UACA: variants seen among roughly 807,000 people sequenced by gnomAD.
UACA encodes uveal autoantigen with coiled-coil domains and ankyrin repeats, also known as nuclear membrane binding protein.
In UACA, 112 loss-of-function variants were observed where a neutral mutation model predicts 160.5. That is an observed-to-expected ratio of 0.70 (90% CI 0.60 to 0.82). UACA has a LOEUF of 0.82. UACA is among the 40% of genes least tolerant of loss of function. The pLI is 0.00. For synonymous variants in UACA, 557 were observed against 568.4 expected (o/e 0.98, Z 0.29); for missense variants, 1,574 against 1,614.6 (o/e 0.97, Z 0.43).
At chr15:70,750,919 T>G (rs2030013105) in intron 1 of UACA, among the ~76,000 whole-genome samples, 1 of 152,212 alleles carries the variant, frequency 6.6e-6, no homozygotes, top group Non-Finnish European at 1.5e-5. Context: ...CAGAATTTTC[T>G]TCTAGAGTGA....
At chr15:70,663,327 T>C (rs1053080481) in intron 17 of UACA, among the ~76,000 whole-genome samples, 1 of 152,162 alleles carries the variant, frequency 6.6e-6, no homozygotes, top group Admixed American at 6.5e-5. Context: ...TCACACCAGT[T>C]AGAATGGCAA....
chr15:70,752,534 C>G (rs991177059), intron 1 of UACA, among the ~76,000 whole-genome samples: 4 of 151,940 alleles, frequency 2.6e-5, no homozygotes, highest in Admixed American at 6.6e-5. Context: ...TCCCCTCCCC[C>G]CCACCACTTA....
intron 13 of UACA, among the ~76,000 whole-genome samples, chr15:70,675,524 C>A (rs1346674318): frequency 2.0e-5 from 3 of 152,210 alleles, no homozygotes; most frequent in African/African-American, 4.8e-5. Flanking sequence ...ACACCTTACT[C>A]AGTAACCCCT....
At chr15:70,684,038 C>T (rs1052126000) in intron 8 of UACA, among the ~76,000 whole-genome samples, 2 of 151,786 alleles carry the variant, frequency 1.3e-5, no homozygotes, top group Non-Finnish European at 2.9e-5. Context: ...ATTCCAGTGT[C>T]TTAGTGTTCA....
chr15:70,762,233 GGT>G (rs1444644967), intron 1 of UACA, among the ~76,000 whole-genome samples: 1 of 58,254 alleles, frequency 1.7e-5, no homozygotes, highest in Non-Finnish European at 3.2e-5. Context: ...CCTCGATATA[GGT>G]GGAGAGAAAG....
chr15:70,691,513 A>G (rs1897934978), intron 3 of UACA, 150 bp from the exon 4 acceptor site: 2 of 583,608 alleles, frequency 3.4e-6, no homozygotes. Context: ...TGTTTCATCT[A>G]GCTTGATATT....
intron 1 of UACA, chr15:70,702,070 T>C: frequency 7.3e-7 from 1 of 1,370,390 alleles, no homozygotes; most frequent in Non-Finnish European, 9.4e-7. Context: ...TCTAACGATA[T>C]TTTCTTCGTC....
intron 1 of UACA, among the ~76,000 whole-genome samples, chr15:70,709,333 T>C (rs575720991): frequency 3.9e-5 from 6 of 152,208 alleles, no homozygotes; most frequent in Non-Finnish European, 8.8e-5. Context: ...AGACAAAATA[T>C]AGTTGTTTCT....
At chr15:70,672,823 G>T (rs898190824) in intron 13 of UACA, among the ~76,000 whole-genome samples, 1 of 151,992 alleles carries the variant, frequency 6.6e-6, no homozygotes, top group Non-Finnish European at 1.5e-5. Flanking sequence ...AGCTGGGTGC[G>T]GTGGCTCATG....
intron 1 of UACA, among the ~76,000 whole-genome samples, chr15:70,724,485 T>C (rs1000054454): frequency 1.3e-5 from 2 of 152,178 alleles, no homozygotes; most frequent in African/African-American, 2.4e-5. Flanking sequence ...TTAGTACATA[T>C]GTGGTTTGCT....
At chr15:70,700,624 G>T (rs1187771055) in intron 1 of UACA, among the ~76,000 whole-genome samples, 2 of 151,822 alleles carry the variant, frequency 1.3e-5, no homozygotes, top group African/African-American at 2.4e-5. Flanking sequence ...TCGTATCAAG[G>T]TTACCTCTAA....
chr15:70,675,152 C>G (rs187419726), intron 13 of UACA, among the ~76,000 whole-genome samples: 47 of 151,432 alleles, frequency 3.1e-4, no homozygotes, highest in Admixed American at 2.7e-3. Flanking sequence ...TGTGCCTCAA[C>G]CTCCTTACCT....
At chr15:70,670,350 G>T (rs575762666) in intron 15 of UACA, among the ~76,000 whole-genome samples, 12 of 152,224 alleles carry the variant, frequency 7.9e-5, no homozygotes, top group African/African-American at 2.6e-4. Flanking sequence ...CCCAAGAGAA[G>T]AATCAAGGGA....
intron 1 of UACA, among the ~76,000 whole-genome samples, chr15:70,762,375 G>A (rs1452798184): frequency 6.6e-6 from 1 of 152,216 alleles, no homozygotes. Context: ...AGGTAACTGT[G>A]CAGTTGGAGC....
At chr15:70,686,835 T>C (rs1246689139) in intron 7 of UACA, among the ~76,000 whole-genome samples, 2 of 152,172 alleles carry the variant, frequency 1.3e-5, no homozygotes, top group Non-Finnish European at 2.9e-5. Flanking sequence ...TTGAATTAAA[T>C]GGAAGGGGTG....
chr15:70,688,260 G>A (rs1897801338), intron 5 of UACA, among the ~76,000 whole-genome samples: 1 of 152,044 alleles, frequency 6.6e-6, no homozygotes, highest in Admixed American at 6.6e-5. Context: ...TCTCATAAAA[G>A]CAGAGATTGC....
In UACA at chr15:70,667,940, T is replaced by C; in HGVS notation, c.2744A>G (p.Gln915Arg). Residue 915 changes from glutamine (Q) to arginine (R), a missense_variant, in exon 16 of 19, where the codon CAG (glutamine) becomes CGG (arginine). Gln to Arg is a conservative substitution (Grantham distance 43). Transcript: ENST00000322954. ...GATGTACTCAGCTTTTATTTGGTTCTGAGTGTTTTCCAGGTTTCTTTTTAA... is the reference window on the plus strand; with the variant it reads ...GATGTACTCAGCTTTTATTTGGTTCCGAGTGTTTTCCAGGTTTCTTTTTAA... ...EILKRNLENT[Q>R]NQIKAEYISL... is the part of the protein sequence containing the mutation. The C allele has an allele frequency of 6.2e-7, 1 of 1,612,868 alleles. No homozygotes were observed. Among genetic ancestry groups the C allele is most frequent in the Non-Finnish European group, 8.5e-7 (1 of 1,179,614 alleles).
chr15:70,663,403 T>G (rs1400015680), intron 17 of UACA, among the ~76,000 whole-genome samples: 7 of 152,216 alleles, frequency 4.6e-5, no homozygotes, highest in Non-Finnish European at 8.8e-5. Flanking sequence ...ACTTTTACAC[T>G]GTTGGTGGGA....
chr15:70,717,235 CA>C (rs1898848325), intron 1 of UACA, among the ~76,000 whole-genome samples: 1 of 152,090 alleles, frequency 6.6e-6, no homozygotes, highest in African/African-American at 2.4e-5. Context: ...AACAAACAAA[CA>C]ATGAAACACT....
Sources: gnomAD v4.1 joint callset for allele counts (sites outside exome capture counted in the v4.1 genomes callset) on GRCh38, gnomAD v4.1.1 for gene constraint, MANE v1.5 for transcripts, NCBI Gene and HGNC (gene_info 2026-07-23, HGNC 2026-07-21) for gene names.